CACNB2: variants seen among roughly 807,000 people sequenced by gnomAD.
CACNB2 encodes the protein calcium voltage-gated channel auxiliary subunit beta 2, also known as voltage-dependent L-type calcium channel subunit beta-2.
In CACNB2, 42 loss-of-function variants were observed where a neutral mutation model predicts 73.3. The ratio of observed to expected loss-of-function variants is 0.57; its 90% CI spans 0.45 to 0.74. CACNB2 has a LOEUF of 0.74. CACNB2 is among the 30% of genes least tolerant of loss of function. The pLI, the probability that CACNB2 is intolerant of heterozygous loss-of-function variation, is 0.00. For missense variants in CACNB2, 940 were observed against 853.0 expected (o/e 1.10, Z -1.27); for synonymous variants, 348 against 310.3 (o/e 1.12, Z -1.28).
intron 3 of CACNB2, among the ~76,000 whole-genome samples, chr10:18,410,074 T>C (rs2044532854): frequency 6.6e-6 from 1 of 152,130 alleles, no homozygotes; most frequent in African/African-American, 2.4e-5. Flanking sequence ...CCTTCAGAGG[T>C]GCCTGTTACC....
intron 2 of CACNB2, among the ~76,000 whole-genome samples, chr10:18,198,716 C>G (rs2034736907): frequency 6.6e-6 from 1 of 152,128 alleles, no homozygotes; most frequent in Non-Finnish European, 1.5e-5. Context: ...ATAATGTATG[C>G]CCACACTTTT....
At chr10:18,196,363 GCTCATTGCAGCAGCCTGGTCATGGCTCAT>G (rs2034625801) in intron 2 of CACNB2, among the ~76,000 whole-genome samples, 1 of 149,590 alleles carries the variant, frequency 6.7e-6, no homozygotes, top group Admixed American at 6.8e-5. Flanking sequence ...CCTGATCATG[GCTCATTGCAGCAGCCTGGTCATGGCTCAT>G]TGCAGCCTCC....
intron 2 of CACNB2, among the ~76,000 whole-genome samples, chr10:18,328,712 T>G (rs548865653): frequency 2.6e-5 from 4 of 152,194 alleles, no homozygotes; most frequent in Non-Finnish European, 4.4e-5. Context: ...GAAGTCGATG[T>G]AGATTTGGGA....
At chr10:18,294,309 C>T (rs1402389154) in intron 2 of CACNB2, among the ~76,000 whole-genome samples, 3 of 151,820 alleles carry the variant, frequency 2.0e-5, no homozygotes, top group African/African-American at 7.3e-5. Context: ...GCTCTCTGTG[C>T]AATGGAAAAG....
intron 2 of CACNB2, among the ~76,000 whole-genome samples, chr10:18,236,269 A>T (rs1459313105): frequency 6.6e-6 from 1 of 152,202 alleles, no homozygotes; most frequent in African/African-American, 2.4e-5. Flanking sequence ...AAGCAGAGAC[A>T]TTCGCCATTG....
At chr10:18,355,503 G>A (rs1226521832) in intron 2 of CACNB2, among the ~76,000 whole-genome samples, 3 of 151,920 alleles carry the variant, frequency 2.0e-5, no homozygotes, top group African/African-American at 7.2e-5. Flanking sequence ...TTGAATAAAT[G>A]TGGCCTTTAT....
chr10:18,161,333 C>T (rs1178555238), intron 2 of CACNB2, among the ~76,000 whole-genome samples: 1 of 152,156 alleles, frequency 6.6e-6, no homozygotes, highest in East Asian at 1.9e-4. Context: ...AAGTGCCAGC[C>T]TCCATTTCTT....
In CACNB2 at chr10:18,493,871, G is replaced by A. The variant is rs143209051; in HGVS notation, c.334-4484G>A. 2.2e-3 allele frequency among the ~76,000 whole-genome samples: 329 copies of A among 152,210 alleles called. 1 individual carries two copies. Among genetic ancestry groups the A allele is most frequent in the African/African-American group, 7.8e-3 (323 of 41,530 alleles). On this transcript the variant is annotated intron_variant, in intron 3 of 13. Transcript: ENST00000324631. ...TGGCCTCTTTGGTTTAGCATCCTGG[G>A]GTCTTTTATCTTGGCTACATCTGTC...
At chr10:18,415,003 G>T (rs917920150) in intron 3 of CACNB2, among the ~76,000 whole-genome samples, 2 of 152,186 alleles carry the variant, frequency 1.3e-5, no homozygotes, top group African/African-American at 4.8e-5. Context: ...AAAGTAGAAT[G>T]TATTTAATTA....
chr10:18,259,790 C>T (rs1409491580), intron 2 of CACNB2, among the ~76,000 whole-genome samples: 1 of 150,838 alleles, frequency 6.6e-6, no homozygotes, highest in Non-Finnish European at 1.5e-5. Flanking sequence ...ACAATTCTAG[C>T]TACTTGGGAG....
At chr10:18,349,261 G>A (rs1282239306) in intron 2 of CACNB2, among the ~76,000 whole-genome samples, 2 of 152,176 alleles carry the variant, frequency 1.3e-5, no homozygotes, top group Non-Finnish European at 2.9e-5. Context: ...TGAAGGATGT[G>A]ATGCTGTGGC....
chr10:18,435,406 C>G (rs569681886), intron 3 of CACNB2, among the ~76,000 whole-genome samples: 1 of 152,254 alleles, frequency 6.6e-6, no homozygotes, highest in South Asian at 2.1e-4. Context: ...TTTCCTGAAA[C>G]TCCCTACTCC....
intron 12 of CACNB2, among the ~76,000 whole-genome samples, chr10:18,537,083 G>C (rs542973188): frequency 7.2e-5 from 11 of 152,148 alleles, no homozygotes; most frequent in African/African-American, 2.6e-4. Flanking sequence ...TGCCTCCCGG[G>C]CTCAAGTAAT....
rs569058592 is a variant in CACNB2 at position 18,360,178 on chromosome 10, C to T, written c.214-41746C>T. On this transcript the variant is annotated intron_variant, in intron 2 of 13. Coordinates refer to ENST00000324631, the MANE Select transcript of CACNB2 (RefSeq NM_201596.3). ...ATTCCAACAACCTCAGAAATAGGTG[C>T]TGCCTCCTCTCCTATATAAAGGAGG... is the stretch of plus-strand genomic sequence containing the variant. 4.2e-4 allele frequency among the ~76,000 whole-genome samples: 64 copies of T among 152,228 alleles called. 1 individual carries two copies. Among genetic ancestry groups the T allele is most frequent in the African/African-American group, 1.4e-3 (58 of 41,524 alleles).
At chr10:18,274,412 G>T (rs966128127) in intron 2 of CACNB2, among the ~76,000 whole-genome samples, 3 of 152,096 alleles carry the variant, frequency 2.0e-5, no homozygotes, top group Non-Finnish European at 2.9e-5. Context: ...ACTCCTGAAC[G>T]CCTGCCTCTC....
In CACNB2 at chr10:18,268,376, A is replaced by T. The variant is rs535754937; in HGVS notation, c.213+117401A>T. Among the ~76,000 whole-genome samples, 3 of 152,234 alleles carry T rather than the reference A, an allele frequency of 2.0e-5. No homozygotes were observed. In the East Asian group the frequency reaches 5.8e-4, roughly 29 times the overall value. ...ATTAAAATGTGTTTGACATAACAGG[A>T]TTATCTGACAATAGGAATAAATAAA... On this transcript the variant is annotated intron_variant, in intron 2 of 13. Coordinates refer to ENST00000324631, the MANE Select transcript of CACNB2 (RefSeq NM_201596.3).
chr10:18,333,977 G>A (rs2040904809), intron 2 of CACNB2, among the ~76,000 whole-genome samples: 1 of 152,172 alleles, frequency 6.6e-6, no homozygotes, highest in African/African-American at 2.4e-5. Context: ...AAATGAGAAA[G>A]TTGTCCCGAT....
Position 18,347,568 on chromosome 10 carries a change from C to T in CACNB2, c.214-54356C>T, listed in dbSNP as rs951089152. On this transcript the variant is annotated intron_variant, in intron 2 of 13. Coordinates refer to ENST00000324631, the MANE Select transcript of CACNB2 (RefSeq NM_201596.3). ...TTAACATCTCTAGGCTTTTTTTTTTCCCCCTATACAATGAAGGCAATAATT... is the reference window on the plus strand; with the variant it reads ...TTAACATCTCTAGGCTTTTTTTTTTTCCCCTATACAATGAAGGCAATAATT... Among the ~76,000 whole-genome samples, 8 of 149,178 alleles carry T rather than the reference C, an allele frequency of 5.4e-5. No homozygotes were observed. In the East Asian group the frequency reaches 9.8e-4, roughly 18 times the overall value.
At chr10:18,448,083 T>C (rs1264901128) in intron 3 of CACNB2, among the ~76,000 whole-genome samples, 1 of 152,120 alleles carries the variant, frequency 6.6e-6, no homozygotes, top group Non-Finnish European at 1.5e-5. Context: ...CCTCAAACTC[T>C]TGGGCTTAAG....
Sources: gnomAD v4.1 joint callset for allele counts (sites outside exome capture counted in the v4.1 genomes callset) on GRCh38, gnomAD v4.1.1 for gene constraint, MANE v1.5 for transcripts, NCBI Gene and HGNC (gene_info 2026-07-23, HGNC 2026-07-21) for gene names.